Variants in C1orf50 observed in about 807,000 individuals in gnomAD.
C1orf50 encodes chromosome 1 open reading frame 50.
A neutral mutation model predicts 23.3 loss-of-function variants in C1orf50; 22 were observed. The observed-to-expected ratio is 0.94, with a 90% CI of 0.67 to 1.35. C1orf50 has a LOEUF of 1.35. Ranked by LOEUF, C1orf50 falls within the 40% of genes most tolerant of loss-of-function variation. C1orf50 has a pLI of 0.00. For synonymous variants in C1orf50, 96 were observed against 102.4 expected, an observed-to-expected ratio of 0.94 and a Z score of 0.38; for missense variants, 271 against 249.4, an observed-to-expected ratio of 1.09 and a Z score of -0.58.
chr1:42,773,922 A>G (rs1410909129), intron 3 of C1orf50, among the ~76,000 whole-genome samples: 1 of 152,118 alleles, frequency 6.6e-6, no homozygotes, highest in African/African-American at 2.4e-5. Flanking sequence ...TCCCGGGTTC[A>G]AGCGATTCTC....
intron 2 of C1orf50, among the ~76,000 whole-genome samples, chr1:42,768,880 T>A (rs1377164243): frequency 6.6e-6 from 1 of 152,186 alleles, no homozygotes; most frequent in Admixed American, 6.5e-5. Context: ...ATGCTGCCTC[T>A]GTTTCCCCAA....
Position 42,775,371 on chromosome 1 carries a change from A to T in C1orf50, c.577A>T (p.Asn193Tyr), listed in dbSNP as rs979395468. The change falls in exon 5 of 5, where the codon AAC becomes TAC. Residue 193 changes from asparagine (N) to tyrosine (Y), a missense_variant. Coordinates refer to ENST00000372525, the MANE Select transcript of C1orf50 (RefSeq NM_024097.4). ...SVALPPCTEPNFQGLTH is the reference protein window; with the variant it reads ...SVALPPCTEPYFQGLTH ...GGCCCTGCCTCCGTGCACTGAACCC[A>T]ACTTCCAGGGACTGACTCACTGAGA... 6.3e-7 allele frequency: 1 copy of T among 1,597,846 alleles called. No individual in the cohort carries two copies. The highest frequency in any genetic ancestry group is 1.7e-5 in the Admixed American group (1 of 59,816).
At chr1:42,770,892 C>T (rs1465104609) in intron 2 of C1orf50, among the ~76,000 whole-genome samples, 1 of 151,976 alleles carries the variant, frequency 6.6e-6, no homozygotes, top group Non-Finnish European at 1.5e-5. Context: ...TTTTTTCCAG[C>T]TTTTTTCATG....
chr1:42,767,843 A>G (rs1040435874), intron 2 of C1orf50, among the ~76,000 whole-genome samples: 4 of 152,138 alleles, frequency 2.6e-5, no homozygotes, highest in South Asian at 2.1e-4. Flanking sequence ...AGTGCCCATA[A>G]TCTTCCTTCG....
intron 2 of C1orf50, 93 bp downstream of exon 2, chr1:42,767,717 G>T: frequency 4.4e-6 from 5 of 1,138,470 alleles, no homozygotes; most frequent in African/African-American, 1.6e-5. Flanking sequence ...CCTATGGTGG[G>T]GGTGGCATTT....
chr1:42,771,250 G>A (rs200501799), intron 2 of C1orf50, among the ~76,000 whole-genome samples: 5 of 152,078 alleles, frequency 3.3e-5, no homozygotes, highest in Non-Finnish European at 7.4e-5. Context: ...TGTGCTTTAG[G>A]TAGCCACTAG....
chr1:42,767,528 C>CAGGG lies in C1orf50; in HGVS notation c.99_100insAGGG (p.Pro34ArgfsTer35). On this transcript the variant is annotated frameshift_variant, in exon 2 of 5. Transcript: ENST00000372525. LOFTEE classifies it high-confidence loss of function. ...TCGCAGGAGCCCTGGTGGAGCTCAC[C>CAGGG]CCGACCCCCGGCGGCCTGGCCCTGG... The CAGGG allele has an allele frequency of 1.9e-6, 3 of 1,587,206 alleles. No homozygotes were observed. Among genetic ancestry groups the CAGGG allele is most frequent in the Non-Finnish European group, 2.6e-6 (3 of 1,167,412 alleles).
In C1orf50 at chr1:42,767,527, C is replaced by T. The variant is rs1653098753; in HGVS notation, c.98C>T (p.Thr33Ile). The T allele has an allele frequency of 6.3e-7, 1 of 1,585,998 alleles. No individual in the cohort carries two copies. Among genetic ancestry groups the T allele is most frequent in the South Asian group, 1.1e-5 (1 of 87,482 alleles). ...AGQGGALVEL[T>I]PTPGGLALVS... ...GTCGCAGGAGCCCTGGTGGAGCTCA[C>T]CCCGACCCCCGGCGGCCTGGCCCTG... Residue 33 changes from threonine to isoleucine, a missense_variant, in exon 2 of 5, where the codon ACC (threonine) becomes ATC (isoleucine). Transcript: ENST00000372525.
rs1653269894 is a variant in C1orf50 at position 42,773,608 on chromosome 1, A to G, written c.241A>G (p.Ile81Val). The G allele has an allele frequency of 1.9e-6, 3 of 1,612,710 alleles. No homozygotes were observed. The East Asian group carries it at 6.7e-5, about 36-fold the overall frequency. ...RANATNKLTV[I>V]AEQIQHLQEQ... ...AAATGCCACCAACAAGCTGACAGTC[A>G]TAGCTGAGCAAATCCAACATTTGCA... The change falls in exon 3 of 5, where the codon ATA (isoleucine) becomes GTA (valine). Residue 81 changes from isoleucine (I) to valine (V), a missense_variant. Ile to Val is a conservative substitution (Grantham distance 29). Coordinates refer to ENST00000372525, the MANE Select transcript of C1orf50 (RefSeq NM_024097.4).
chr1:42,774,415 G>C (rs1465590730), intron 3 of C1orf50, among the ~76,000 whole-genome samples: 1 of 152,118 alleles, frequency 6.6e-6, no homozygotes, highest in Non-Finnish European at 1.5e-5. Context: ...TTTTAGTAGA[G>C]ACAGGGTTTT....
At position 42,775,247 on chromosome 1, in the gene C1orf50, C is replaced by G. The variant is rs1410589936; in HGVS notation, c.453C>G (p.Ala151=). ...GTTGTCCACATGACTTCCTTGGTGC[C>G]TACAAACTACAGCATGACTTGTCCT... The part of the protein sequence containing the change: ...GTSCPHDFLG[A]YKLQHDLSWT... Residue 151 remains alanine (A), a synonymous_variant, in exon 5 of 5, where the codon GCC becomes GCG. Transcript: ENST00000372525. 1 of 1,605,240 alleles carries G rather than the reference C, an allele frequency of 6.2e-7. No individual in the cohort carries two copies. The highest frequency in any genetic ancestry group is 1.7e-5 in the Admixed American group (1 of 59,914).
chr1:42,768,037 A>G (rs1404585783), intron 2 of C1orf50, among the ~76,000 whole-genome samples: 1 of 152,246 alleles, frequency 6.6e-6, no homozygotes, highest in Non-Finnish European at 1.5e-5. Flanking sequence ...GAGTTTAAAC[A>G]TCTTCTAGCA....
intron 2 of C1orf50, among the ~76,000 whole-genome samples, chr1:42,772,614 C>T (rs1653245859): frequency 6.6e-6 from 1 of 152,120 alleles, no homozygotes; most frequent in Non-Finnish European, 1.5e-5. Context: ...AACCCTGCCT[C>T]TACTAAAAAT....
chr1:42,775,889 T>TA lies in C1orf50; in HGVS notation c.*501dup, dbSNP rs112941067. 2 of 147,840 alleles carry TA rather than the reference T, an allele frequency of 1.4e-5. No homozygotes were observed. The highest frequency in any genetic ancestry group is 1.3e-4 in the Admixed American group (2 of 14,898). 9.2% of individuals were successfully genotyped at this position (147,840 alleles called of 1,614,324 possible). ...GAATGTTGAGTAATGGAGGGTGATT[T>TA]AAAAAACAACAACAACAACAAAAAA... On this transcript the variant is annotated 3_prime_UTR_variant, in exon 5 of 5. Coordinates refer to ENST00000372525, the MANE Select transcript of C1orf50 (RefSeq NM_024097.4).
intron 2 of C1orf50, 108 bp from the exon 3 acceptor site, chr1:42,773,455 A>C: frequency 1.5e-6 from 1 of 675,080 alleles, no homozygotes; most frequent in Non-Finnish European, 2.5e-6. Context: ...AATGGGAAAA[A>C]TATTTTAGGC....
intron 2 of C1orf50, among the ~76,000 whole-genome samples, chr1:42,768,071 C>T (rs1049520688): frequency 6.6e-6 from 1 of 152,114 alleles, no homozygotes; most frequent in Admixed American, 6.6e-5. Flanking sequence ...AAGTTTAGTC[C>T]TCATTAAACA....
At chr1:42,772,456 C>T (rs1557584976) in intron 2 of C1orf50, among the ~76,000 whole-genome samples, 1 of 152,198 alleles carries the variant, frequency 6.6e-6, no homozygotes, top group South Asian at 2.1e-4. Flanking sequence ...TCACATTAGT[C>T]TCTCCTAGCT....
In C1orf50 at chr1:42,774,960, A is replaced by G. The variant is rs1442788538; in HGVS notation, c.414+92A>G. 4.1e-6 allele frequency: 6 copies of G among 1,454,586 alleles called. No individual in the cohort carries two copies. In the East Asian group the frequency reaches 9.2e-5, roughly 22 times the overall value. 90.1% of individuals were successfully genotyped at this position (1,454,586 alleles called of 1,614,324 possible). ...AAAATGTAGACATGTGGATTGGTAT[A>G]TGGTTTCTTAGAAAATTGGGGGTGA... On this transcript the variant is annotated intron_variant, in intron 4 of 4. Transcript: ENST00000372525.
rs1352451675 is a variant in C1orf50 at position 42,775,654 on chromosome 1, C to G, written c.*260C>G. 2 of 310,530 alleles carry G rather than the reference C, an allele frequency of 6.4e-6. No individual in the cohort carries two copies. Among genetic ancestry groups the G allele is most frequent in the Non-Finnish European group, 1.2e-5 (2 of 169,516 alleles). The allele number at this position is 310,530 out of a possible 1,614,324, so 19.2% of individuals were successfully genotyped here. A position where few individuals can be genotyped will look rare whatever the true frequency, so the allele number is the denominator to read the frequency against. On this transcript the variant is annotated 3_prime_UTR_variant, in exon 5 of 5. Transcript: ENST00000372525. ...TTCAGAGTATTGGCCAGTGTACTTTCCTTCTTCCTCTCCATCACTTCTTCC... is the reference window on the plus strand; with the variant it reads ...TTCAGAGTATTGGCCAGTGTACTTTGCTTCTTCCTCTCCATCACTTCTTCC...
Sources: gnomAD v4.1 joint callset for allele counts (sites outside exome capture counted in the v4.1 genomes callset) on GRCh38, gnomAD v4.1.1 for gene constraint, MANE v1.5 for transcripts, NCBI Gene and HGNC (gene_info 2026-07-23, HGNC 2026-07-21) for gene names.